The following TRAPPC8 variants were observed in gnomAD, a reference collection of about 807,000 sequenced individuals.
The protein encoded by TRAPPC8 is trafficking protein particle complex subunit 8.
A neutral mutation model predicts 174.3 loss-of-function variants in TRAPPC8; 54 were observed. The ratio of observed to expected loss-of-function variants is 0.31; its 90% CI spans 0.25 to 0.39. The LOEUF is 0.39. TRAPPC8 is among the 10% of genes least tolerant of loss of function. The probability of loss-of-function intolerance (pLI) is 1.00; values close to 1 mark genes in which losing one functional copy is unlikely to be tolerated. For missense variants in TRAPPC8, 1,531 were observed against 1,699.1 expected (o/e 0.90, Z 1.74); for synonymous variants, 630 against 579.9 (o/e 1.09, Z -1.24).
At chr18:31,846,181 C>T (rs1364942405) in intron 26 of TRAPPC8, among the ~76,000 whole-genome samples, 1 of 152,140 alleles carries the variant, frequency 6.6e-6, no homozygotes, top group African/African-American at 2.4e-5. Flanking sequence ...CATCTTAATA[C>T]TCTGATAAAG....
rs373677533 is a variant in TRAPPC8 at position 31,853,962 on chromosome 18, T to C, written c.3337-17A>G. Reference sequence around the variant, plus strand: ...TGCTTCACTCTGTCAAAAAAAAAGATAGGAGTCATTCAGGATTTAGAAGCA... The same window carrying C: ...TGCTTCACTCTGTCAAAAAAAAAGACAGGAGTCATTCAGGATTTAGAAGCA... On this transcript the variant is annotated splice_polypyrimidine_tract_variant and intron_variant, in intron 21 of 28. Coordinates refer to ENST00000283351, the MANE Select transcript of TRAPPC8 (RefSeq NM_014939.5). 5.0e-5 allele frequency: 79 copies of C among 1,582,946 alleles called. No homozygotes were observed. The highest frequency in any genetic ancestry group is 2.2e-4 in the African/African-American group (16 of 73,736).
At chr18:31,895,310 AAAC>A (rs2036137070) in intron 11 of TRAPPC8, among the ~76,000 whole-genome samples, 1 of 152,210 alleles carries the variant, frequency 6.6e-6, no homozygotes, top group Non-Finnish European at 1.5e-5. Flanking sequence ...CATAATTTAT[AAAC>A]ATGCCTAATA....
intron 1 of TRAPPC8, among the ~76,000 whole-genome samples, chr18:31,934,881 TG>T: frequency 6.6e-6 from 1 of 151,472 alleles, no homozygotes; most frequent in African/African-American, 2.4e-5. Context: ...CACTCCAGCC[TG>T]GGCAATGAGA....
intron 9 of TRAPPC8, among the ~76,000 whole-genome samples, chr18:31,901,362 C>T (rs2036417972): frequency 6.6e-6 from 1 of 152,154 alleles, no homozygotes; most frequent in African/African-American, 2.4e-5. Context: ...TCAATTAAGG[C>T]CTTTAAAACA....
intron 1 of TRAPPC8, among the ~76,000 whole-genome samples, chr18:31,941,158 C>A (rs538966209): frequency 1.3e-5 from 2 of 152,212 alleles, no homozygotes; most frequent in South Asian, 4.2e-4. Flanking sequence ...TTTAGGAATT[C>A]AAGGCCGGGC....
At chr18:31,906,497 T>G (rs1400564826) in intron 9 of TRAPPC8, among the ~76,000 whole-genome samples, 1 of 151,850 alleles carries the variant, frequency 6.6e-6, no homozygotes, top group Non-Finnish European at 1.5e-5. Flanking sequence ...GAATATTTTC[T>G]AGCTAAAAAA....
At chr18:31,870,320 A>G in intron 16 of TRAPPC8, 52 bp downstream of exon 16, 1 of 1,513,164 alleles carries the variant, frequency 6.6e-7, no homozygotes, top group African/African-American at 1.4e-5. Flanking sequence ...TTACTACAGC[A>G]TTTGTTAGGC....
chr18:31,858,044 A>G (rs886544532), intron 19 of TRAPPC8, 62 bp from the exon 20 acceptor site: 1 of 1,414,966 alleles, frequency 7.1e-7, no homozygotes, highest in African/African-American at 1.5e-5. Context: ...TCTAATGAAT[A>G]ACACTTTAAG....
chr18:31,893,072 T>A (rs930018), intron 11 of TRAPPC8, among the ~76,000 whole-genome samples: 102,053 of 151,406 alleles, frequency 0.67, 35,440 homozygotes, highest in African/African-American at 0.83. Flanking sequence ...TACATTTCAT[T>A]GTAGGACTGT....
In TRAPPC8 at chr18:31,870,378, T is replaced by A. The variant is rs1200330015; in HGVS notation, c.2382A>T (p.Lys794Asn). ...DFSGKDNEEV[K>N]QLVTSEPEMI... The stretch of plus-strand genomic sequence containing the variant: ...ATACCTTTTAATAACTTACTAGTTG[T>A]TTAACTTCTTCATTATCCTTTCCAC... Residue 794 changes from lysine (K) to asparagine (N), a missense_variant, in exon 16 of 29, where the codon AAA becomes AAT. By Grantham distance (94) the Lys-to-Asn change is moderately conservative (BLOSUM62 0). Coordinates refer to ENST00000283351, the MANE Select transcript of TRAPPC8 (RefSeq NM_014939.5). 1 of 1,606,300 alleles carries A rather than the reference T, an allele frequency of 6.2e-7. No homozygotes were observed. Among genetic ancestry groups the A allele is most frequent in the East Asian group, 2.2e-5 (1 of 44,726 alleles).
chr18:31,875,143 G>GAA (rs991388012), intron 12 of TRAPPC8, among the ~76,000 whole-genome samples: 4 of 151,894 alleles, frequency 2.6e-5, no homozygotes, highest in African/African-American at 9.7e-5. Context: ...ATATGATGAT[G>GAA]AAAAAAATGT....
intron 9 of TRAPPC8, among the ~76,000 whole-genome samples, chr18:31,905,689 T>C (rs2036628078): frequency 6.6e-6 from 1 of 152,172 alleles, no homozygotes; most frequent in African/African-American, 2.4e-5. Flanking sequence ...CAGTCTAACT[T>C]TTCTCAGAAG....
chr18:31,907,964 G>A (rs768642658), intron 8 of TRAPPC8, among the ~76,000 whole-genome samples: 66 of 152,208 alleles, frequency 4.3e-4, no homozygotes, highest in Middle Eastern at 6.8e-3. Flanking sequence ...GGTTTTTTGT[G>A]TAAAGCAAAA....
At chr18:31,873,747 T>A (rs547433656) in intron 13 of TRAPPC8, 1 of 438,630 alleles carries the variant, frequency 2.3e-6, no homozygotes, top group Admixed American at 3.9e-5. Context: ...AGAATCTTAC[T>A]GAGGTTACTC....
rs763120927 is a variant in TRAPPC8 at position 31,857,669 on chromosome 18, G to A, written c.3059C>T (p.Pro1020Leu). 1 of 1,614,170 alleles carries A rather than the reference G, an allele frequency of 6.2e-7. No individual in the cohort carries two copies. The highest frequency in any genetic ancestry group is 8.5e-7 in the Non-Finnish European group (1 of 1,180,016). The part of the protein sequence containing the change: ...SQPEVIPVPL[P>L]DTVLLPGASV... ...GGCTCCGGGTAGAAGAACAGTGTCA[G>A]GAAGGGGAACAGGAATCACCTCTGG... Residue 1020 changes from proline to leucine, a missense_variant, in exon 20 of 29, where the codon CCT (proline) becomes CTT (leucine). Physicochemically the swap from Pro to Leu is moderately conservative, Grantham distance 98. Coordinates refer to ENST00000283351, the MANE Select transcript of TRAPPC8 (RefSeq NM_014939.5).
chr18:31,923,346 C>T (rs1230283823), intron 2 of TRAPPC8, among the ~76,000 whole-genome samples: 1 of 152,130 alleles, frequency 6.6e-6, no homozygotes, highest in Non-Finnish European at 1.5e-5. Flanking sequence ...CTGAAACCAT[C>T]ACAAGAAATC....
intron 27 of TRAPPC8, among the ~76,000 whole-genome samples, chr18:31,836,143 C>T (rs948421642): frequency 1.3e-5 from 2 of 152,200 alleles, no homozygotes; most frequent in African/African-American, 4.8e-5. Context: ...GATCTGCAGA[C>T]ATTTTAAAAC....
intron 19 of TRAPPC8, among the ~76,000 whole-genome samples, chr18:31,859,842 C>A (rs2034232561): frequency 1.3e-5 from 2 of 151,962 alleles, no homozygotes; most frequent in South Asian, 4.2e-4. Context: ...ATGGTGAAGC[C>A]CCGTCTCTAC....
chr18:31,934,580 C>G (rs1487610168), intron 1 of TRAPPC8, among the ~76,000 whole-genome samples: 1 of 152,094 alleles, frequency 6.6e-6, no homozygotes, highest in Non-Finnish European at 1.5e-5. Flanking sequence ...CTTAAAGTTG[C>G]TTCATAGCTG....
Sources: gnomAD v4.1 joint callset for allele counts (sites outside exome capture counted in the v4.1 genomes callset) on GRCh38, gnomAD v4.1.1 for gene constraint, MANE v1.5 for transcripts, NCBI Gene and HGNC (gene_info 2026-07-23, HGNC 2026-07-21) for gene names.